IL13RA1: variants seen among roughly 807,000 people sequenced by gnomAD.
The protein encoded by IL13RA1 is interleukin-13 receptor subunit alpha-1.
A neutral mutation model predicts 33.8 loss-of-function variants in IL13RA1; 14 were observed. The ratio of observed to expected loss-of-function variants is 0.41; its 90% CI spans 0.27 to 0.65. The LOEUF is 0.65. Among genes scored for constraint, IL13RA1 ranks in the 30% least tolerant of loss-of-function variants. The pLI, the probability that IL13RA1 is intolerant of heterozygous loss-of-function variation, is 0.28. For missense variants in IL13RA1, 313 were observed against 327.0 expected, an observed-to-expected ratio of 0.96 and a Z score of 0.33; for synonymous variants, 116 against 115.7, an observed-to-expected ratio of 1.00 and a Z score of -0.02.
At chrX:118,796,228 A>T (rs916683809), downstream of IL13RA1, among the ~76,000 whole-genome samples, 3 of 112,455 alleles carry the variant, frequency 2.7e-5, no homozygotes, top group African/African-American at 9.7e-5. Context: ...CATAATCTGT[A>T]TGCTGGTCCC....
intron 8 of IL13RA1, among the ~76,000 whole-genome samples, chrX:118,768,386 A>G (rs182173735): frequency 1.8e-3 from 206 of 112,037 alleles, no homozygotes; most frequent in African/African-American, 6.4e-3. Context: ...GTCAAGCTGC[A>G]ATGAGAACTG....
At chrX:118,743,617 G>A (rs180697028) in intron 2 of IL13RA1, among the ~76,000 whole-genome samples, 52 of 112,151 alleles carry the variant, frequency 4.6e-4, no homozygotes, top group African/African-American at 1.6e-3. Flanking sequence ...AGATGCTGAA[G>A]CTAACTCCCT....
At chrX:118,747,379 A>G (rs184940476) in intron 3 of IL13RA1, among the ~76,000 whole-genome samples, 1 of 109,958 alleles carries the variant, frequency 9.1e-6, no homozygotes, top group African/African-American at 3.3e-5. Context: ...TCACACACAC[A>G]CACACGCACA....
chrX:118,779,577 G>GAT (rs2017820733), intron 10 of IL13RA1, among the ~76,000 whole-genome samples: 1 of 111,672 alleles, frequency 9.0e-6, no homozygotes, highest in African/African-American at 3.3e-5. Context: ...GTGGGTAACT[G>GAT]ATATTACTCT....
chrX:118,803,921 CCTCT>C, the IL13RA1 span, among the ~76,000 whole-genome samples: 4 of 53,640 alleles, frequency 7.5e-5, no homozygotes, highest in Non-Finnish European at 1.0e-4. Context: ...TTCCTTCCTT[CCTCT>C]CTCTCTTTTT....
the IL13RA1 span, among the ~76,000 whole-genome samples, chrX:118,800,561 G>C: frequency 9.0e-6 from 1 of 110,778 alleles, no homozygotes; most frequent in South Asian, 3.9e-4. Flanking sequence ...AGAAGGGACA[G>C]ACTCCAGACG....
At chrX:118,782,290 G>A (rs1296615813) in intron 10 of IL13RA1, among the ~76,000 whole-genome samples, 1 of 110,943 alleles carries the variant, frequency 9.0e-6, no homozygotes, top group East Asian at 2.8e-4. Context: ...GCCCAGGCTG[G>A]TCTTGAATTT....
intron 4 of IL13RA1, among the ~76,000 whole-genome samples, chrX:118,751,706 A>G (rs1021200898): frequency 2.3e-4 from 25 of 110,380 alleles, no homozygotes; most frequent in African/African-American, 7.6e-4. Context: ...CTGCCTCTAC[A>G]TGGCCTTGTT....
downstream of IL13RA1, among the ~76,000 whole-genome samples, chrX:118,797,007 C>T (rs1250509686): frequency 8.9e-6 from 1 of 112,079 alleles, no homozygotes; most frequent in East Asian, 2.8e-4. Flanking sequence ...TTAGGAGTTC[C>T]AAATGAATGT....
chrX:118,774,060 T>C, intron 9 of IL13RA1, 85 bp downstream of exon 9: 1 of 517,160 alleles, frequency 1.9e-6, no homozygotes, highest in Non-Finnish European at 3.4e-6. Flanking sequence ...GTTTTATGTC[T>C]GCCCAGTGTA....
At chrX:118,804,251 C>T in the IL13RA1 span, among the ~76,000 whole-genome samples, 21,852 of 110,336 alleles carry the variant, frequency 0.2, 1,968 homozygotes, top group East Asian at 0.51. Context: ...GCCACAGTGC[C>T]CAACAAATTC....
chrX:118,741,259 A>G, intron 2 of IL13RA1, 103 bp downstream of exon 2: 4 of 542,128 alleles, frequency 7.4e-6, no homozygotes, highest in South Asian at 3.4e-5. Context: ...TGGAAATTGT[A>G]TTTTAGGGTG....
intron 6 of IL13RA1, among the ~76,000 whole-genome samples, chrX:118,761,814 C>A (rs780623505): frequency 1.8e-5 from 2 of 111,518 alleles, no homozygotes; most frequent in Non-Finnish European, 3.8e-5. Context: ...GAATGATGAG[C>A]AGACGCTAGC....
chrX:118,798,856 C>A (rs773756926), downstream of IL13RA1, among the ~76,000 whole-genome samples: 1 of 112,893 alleles, frequency 8.9e-6, no homozygotes, highest in South Asian at 3.6e-4. Context: ...ACTTTGGCGG[C>A]ACTTGAGGAG....
intron 10 of IL13RA1, among the ~76,000 whole-genome samples, chrX:118,788,618 C>T (rs1340230083): frequency 9.0e-6 from 1 of 111,380 alleles, no homozygotes; most frequent in Non-Finnish European, 1.9e-5. Flanking sequence ...GTTAGTCAAC[C>T]CTGGTCCCCT....
intron 7 of IL13RA1, 124 bp from the exon 8 acceptor site, chrX:118,766,720 A>G: frequency 1.7e-6 from 1 of 594,388 alleles, no homozygotes; most frequent in Non-Finnish European, 2.7e-6. Context: ...GTCAAAGATA[A>G]TTTGAATTGC....
intron 10 of IL13RA1, among the ~76,000 whole-genome samples, chrX:118,780,242 C>G (rs1311140495): frequency 8.9e-6 from 1 of 112,624 alleles, no homozygotes; most frequent in African/African-American, 3.2e-5. Flanking sequence ...TACTCTTTTA[C>G]TTCTAGCATC....
chrX:118,767,639 A>G (rs1225060785), intron 8 of IL13RA1, among the ~76,000 whole-genome samples: 1 of 111,960 alleles, frequency 8.9e-6, no homozygotes, highest in Non-Finnish European at 1.9e-5. Flanking sequence ...GAGTGGAGCC[A>G]TTTAATAGAA....
chrX:118,780,200 C>A (rs2017827044), intron 10 of IL13RA1, among the ~76,000 whole-genome samples: 1 of 112,698 alleles, frequency 8.9e-6, no homozygotes, highest in African/African-American at 3.2e-5. Context: ...CACATGGCAT[C>A]AATTCTCACA....
Sources: allele counts gnomAD v4.1 joint callset (sites outside exome capture counted in the v4.1 genomes callset), GRCh38; gene constraint gnomAD v4.1.1; transcripts MANE v1.5; gene names NCBI Gene and HGNC (gene_info 2026-07-23, HGNC 2026-07-21).